SIN3B: variants seen among roughly 807,000 people sequenced by gnomAD.
The protein encoded by SIN3B is paired amphipathic helix protein Sin3b.
Under a neutral mutation model 120.2 loss-of-function variants are expected in SIN3B, and 19 were observed. The ratio of observed to expected loss-of-function variants is 0.16; its 90% CI spans 0.11 to 0.23. SIN3B has a LOEUF of 0.23. SIN3B is among the 10% of genes least tolerant of loss of function. The pLI is 1.00. For synonymous variants in SIN3B, 654 were observed against 653.2 expected, an observed-to-expected ratio of 1.00 and a Z score of -0.02; for missense variants, 1,073 against 1,573.0, an observed-to-expected ratio of 0.68 and a Z score of 5.38.
At chr19:16,831,723 T>A (rs1971281360) in intron 3 of SIN3B, 76 bp downstream of exon 3, 3 of 1,302,188 alleles carry the variant, frequency 2.3e-6, no homozygotes, top group Admixed American at 1.9e-5. Context: ...GCCACGTGTC[T>A]CTCCTGTATC....
At chr19:16,868,860 G>C (rs571308854) in intron 12 of SIN3B, among the ~76,000 whole-genome samples, 1 of 152,294 alleles carries the variant, frequency 6.6e-6, no homozygotes, top group East Asian at 1.9e-4. Flanking sequence ...GGCTGGCGGG[G>C]ACAGCAGCGG....
rs370809776 is a variant in SIN3B, at chr19:16,871,411, G to A, written c.2592+13G>A. On this transcript the variant is annotated intron_variant, in intron 14 of 18. Transcript: ENST00000248054. ...CATTGCGCGGCAGGTGAGCCGGGCC[G>A]GGGTGGGGCCGGCCCTGAGGACGGC... The A allele has an allele frequency of 4.0e-5, 63 of 1,590,988 alleles. No individual in the cohort carries two copies. In the African/African-American group the frequency reaches 5.1e-4, roughly 13 times the overall value.
rs185242314 is a variant in SIN3B at position 16,865,264 on chromosome 19, A to G, written c.1384-146A>G. The stretch of plus-strand genomic sequence containing the variant: ...AGCTTTGATTGTGCCACAGCACTCA[A>G]GTCTGGGTGACAGAGCAAGACCCTA... On this transcript the variant is annotated intron_variant, in intron 10 of 18. Coordinates refer to ENST00000248054, the MANE Select transcript of SIN3B (RefSeq NM_001297595.2). 47 of 623,392 alleles carry G rather than the reference A, an allele frequency of 7.5e-5. 1 individual carries two copies. The East Asian group carries it at 1.1e-3, about 15-fold the overall frequency. 38.6% of individuals were successfully genotyped at this position (623,392 alleles called of 1,614,324 possible).
chr19:16,860,317 A>T (rs547327610), intron 8 of SIN3B, among the ~76,000 whole-genome samples: 51 of 152,346 alleles, frequency 3.3e-4, no homozygotes, highest in African/African-American at 1.2e-3. Context: ...GCCGCGTGGC[A>T]GCCAGGGTGG....
At chr19:16,852,161 CTG>C (rs1203013694) in intron 6 of SIN3B, among the ~76,000 whole-genome samples, 3 of 152,202 alleles carry the variant, frequency 2.0e-5, no homozygotes, top group Non-Finnish European at 4.4e-5. Context: ...GAGTCTCGCT[CTG>C]TCACCCAGGC....
chr19:16,840,331 G>A (rs1236018762), intron 3 of SIN3B, among the ~76,000 whole-genome samples: 1 of 152,170 alleles, frequency 6.6e-6, no homozygotes, highest in Non-Finnish European at 1.5e-5. Flanking sequence ...TCAGGGACAT[G>A]CGTGCACAGA....
In SIN3B at chr19:16,853,226, G is replaced by C; in HGVS notation, c.939+68G>C. 5 of 1,444,380 alleles carry C rather than the reference G, an allele frequency of 3.5e-6. No individual in the cohort carries two copies. In the East Asian group the frequency reaches 1.1e-4, roughly 33 times the overall value. 89.5% of individuals were successfully genotyped at this position (1,444,380 alleles called of 1,614,324 possible). On this transcript the variant is annotated intron_variant, in intron 7 of 18. Coordinates refer to ENST00000248054, the MANE Select transcript of SIN3B (RefSeq NM_001297595.2). Reference sequence around the variant, plus strand: ...AGCTGGCTGGGCCAATGCTCCCTGGGCCTGCCCCAGGATTGGGGCGGGGAG... The same window carrying C: ...AGCTGGCTGGGCCAATGCTCCCTGGCCCTGCCCCAGGATTGGGGCGGGGAG...
At chr19:16,871,626 A>G in intron 14 of SIN3B, 1 of 498,170 alleles carries the variant, frequency 2.0e-6, no homozygotes, top group Non-Finnish European at 3.5e-6. Flanking sequence ...GTCTAGTTCC[A>G]GAACATTTCA....
At chr19:16,874,935 T>G (rs2051568895) in intron 14 of SIN3B, among the ~76,000 whole-genome samples, 1 of 151,216 alleles carries the variant, frequency 6.6e-6, no homozygotes, top group Non-Finnish European at 1.5e-5. Flanking sequence ...TGGTTTTGGT[T>G]TGGTCTGATC....
intron 14 of SIN3B, among the ~76,000 whole-genome samples, chr19:16,871,943 C>T (rs2051517348): frequency 6.6e-6 from 1 of 152,130 alleles, no homozygotes; most frequent in Non-Finnish European, 1.5e-5. Flanking sequence ...TGGAAAAAAC[C>T]TTAACCCACT....
intron 13 of SIN3B, among the ~76,000 whole-genome samples, chr19:16,870,675 T>G (rs2051498872): frequency 6.6e-6 from 1 of 151,568 alleles, no homozygotes; most frequent in Admixed American, 6.6e-5. Flanking sequence ...CCTCAGCCTC[T>G]GAGTAGCTGG....
intron 8 of SIN3B, among the ~76,000 whole-genome samples, chr19:16,856,495 C>T (rs547372784): frequency 6.6e-6 from 1 of 152,102 alleles, no homozygotes; most frequent in African/African-American, 2.4e-5. Flanking sequence ...ACGATTTTTT[C>T]GGCAGAAGGA....
At chr19:16,844,523 G>A (rs947479684) in intron 4 of SIN3B, among the ~76,000 whole-genome samples, 19 of 152,196 alleles carry the variant, frequency 1.2e-4, no homozygotes, top group Admixed American at 1.2e-3. Context: ...ACACAGCCAC[G>A]TATGCATGTC....
At chr19:16,851,073 G>A (rs567547533) in intron 5 of SIN3B, among the ~76,000 whole-genome samples, 2 of 111,446 alleles carry the variant, frequency 1.8e-5, no homozygotes, top group Non-Finnish European at 1.9e-5. Flanking sequence ...TGCACACGGC[G>A]AGATGCCCCA....
intron 8 of SIN3B, among the ~76,000 whole-genome samples, chr19:16,860,366 C>T (rs555759605): frequency 1.4e-4 from 22 of 152,250 alleles, no homozygotes; most frequent in African/African-American, 4.1e-4. Context: ...TCACGATTTG[C>T]GTTTATCCCA....
chr19:16,831,389 C>A, intron 2 of SIN3B, 105 bp from the exon 3 acceptor site: 1 of 1,198,278 alleles, frequency 8.3e-7, no homozygotes, highest in Non-Finnish European at 1.2e-6. Flanking sequence ...CCTTTGTTGT[C>A]TGTTGAGAAG....
Position 16,829,810 on chromosome 19 carries a change from A to G in SIN3B, c.140A>G (p.Tyr47Cys). Residue 47 changes from tyrosine (Y) to cysteine (C), a missense_variant, in exon 2 of 19, where the codon TAT becomes TGT. This residue lies in a region of SIN3B where 395 missense variants were observed against 528.0 expected (regional missense o/e 0.75). Coordinates refer to ENST00000248054, the MANE Select transcript of SIN3B (RefSeq NM_001297595.2). ...CTGCAGGTAGAAGACGCCCTCACCT[A>G]TCTGGACCAGGTGAAGATCCGCTTT... ...LPVHVEDALT[Y>C]LDQVKIRFGS... The G allele has an allele frequency of 6.2e-7, 1 of 1,612,526 alleles. No individual in the cohort carries two copies. Among genetic ancestry groups the G allele is most frequent in the Non-Finnish European group, 8.5e-7 (1 of 1,179,200 alleles).
At chr19:16,865,189 G>GAGGC (rs1051371782) in intron 10 of SIN3B, 1 of 538,278 alleles carries the variant, frequency 1.9e-6, no homozygotes, top group African/African-American at 1.9e-5. Context: ...AGCTACGTGG[G>GAGGC]AGGCTAAGGT....
intron 4 of SIN3B, 133 bp from the exon 5 acceptor site, chr19:16,846,837 C>G (rs183258421): frequency 2.1e-6 from 2 of 948,990 alleles, no homozygotes; most frequent in Non-Finnish European, 1.6e-6. Context: ...AGTGTGCAGA[C>G]AGGACCCTGC....
Sources: gnomAD v4.1 joint callset for allele counts (sites outside exome capture counted in the v4.1 genomes callset) on GRCh38, gnomAD v4.1.1 for gene constraint, gnomAD v4.1.1 regional missense constraint, MANE v1.5 for transcripts, NCBI Gene and HGNC (gene_info 2026-07-23, HGNC 2026-07-21) for gene names.